Variants in NEMP2 observed in about 807,000 individuals in gnomAD.
The protein encoded by NEMP2 is UPF0571 transmembrane protein.
NEMP2 carries 53 observed loss-of-function variants against 54.2 expected under a neutral mutation model. The observed-to-expected ratio is 0.98, with a 90% CI of 0.78 to 1.23. The LOEUF (loss-of-function observed/expected upper bound fraction) is 1.23. Ranked by LOEUF, NEMP2 falls within the 50% of genes most tolerant of loss-of-function variation. The pLI is 0.00. For missense variants in NEMP2, 455 were observed against 511.3 expected (o/e 0.89, Z 1.06); for synonymous variants, 197 against 190.3 (o/e 1.04, Z -0.29).
the NEMP2 span, chr2:190,454,588 AAGGTGG>A: frequency 6.6e-6 from 1 of 152,162 alleles, no homozygotes; most frequent in South Asian, 2.1e-4. The surrounding 1 kb of genome is among the most constrained non-coding windows in gnomAD (Gnocchi z 4.6). Context: ...ACACTGTAAG[AAGGTGG>A]TCATCTACAA....
chr2:190,424,842 T>C, the NEMP2 span, among the ~76,000 whole-genome samples: 2 of 152,268 alleles, frequency 1.3e-5, no homozygotes, highest in Non-Finnish European at 2.9e-5. This position sits in a 1 kb window ranked among gnomAD's most constrained non-coding sequence, Gnocchi z 5.9. Flanking sequence ...CACAGCTATA[T>C]GATCTTTTTC....
chr2:190,595,662 T>C, the NEMP2 span, among the ~76,000 whole-genome samples: 1 of 152,112 alleles, frequency 6.6e-6, no homozygotes, highest in South Asian at 2.1e-4. This position sits in a 1 kb window ranked among gnomAD's most constrained non-coding sequence, Gnocchi z 4.0. Flanking sequence ...TCATCATCAC[T>C]GGTCATTAGA....
the NEMP2 span, among the ~76,000 whole-genome samples, chr2:190,431,623 C>T: frequency 2.6e-5 from 4 of 152,136 alleles, no homozygotes; most frequent in African/African-American, 4.8e-5. The surrounding 1 kb of genome is among the most constrained non-coding windows in gnomAD (Gnocchi z 4.4). Context: ...GGGAATCAGG[C>T]AGGGAGGTTG....
At chr2:190,546,863 TC>T in the NEMP2 span, among the ~76,000 whole-genome samples, 4 of 152,348 alleles carry the variant, frequency 2.6e-5, no homozygotes, top group African/African-American at 9.6e-5. This position sits in a 1 kb window ranked among gnomAD's most constrained non-coding sequence, Gnocchi z 5.1. Context: ...GCCAGTTGAT[TC>T]AGTAGCTTAA....
the NEMP2 span, among the ~76,000 whole-genome samples, chr2:190,421,632 A>C: frequency 6.6e-6 from 1 of 152,092 alleles, no homozygotes; most frequent in Non-Finnish European, 1.5e-5. Flanking sequence ...ACCCAGGCTG[A>C]GTGCAGTGGT....
At chr2:190,481,618 TTGG>T in the NEMP2 span, among the ~76,000 whole-genome samples, 1 of 152,208 alleles carries the variant, frequency 6.6e-6, no homozygotes, top group South Asian at 2.1e-4. Context: ...TGTAAGCTCC[TTGG>T]TGGCTGGGGA....
At chr2:190,431,024 ACGGGG>A in the NEMP2 span, among the ~76,000 whole-genome samples, 1 of 111,788 alleles carries the variant, frequency 8.9e-6, no homozygotes, top group South Asian at 2.8e-4. The surrounding 1 kb of genome is among the most constrained non-coding windows in gnomAD (Gnocchi z 4.4). Context: ...CACCTCCCAG[ACGGGG>A]TCGCGGCCGG....
chr2:190,527,968 G>A lies in NEMP2; in HGVS notation c.98-2590C>T, dbSNP rs756812047. Among the ~76,000 whole-genome samples, 37 of 152,140 alleles carry A rather than the reference G, an allele frequency of 2.4e-4. No individual in the cohort carries two copies. The highest frequency in any genetic ancestry group is 3.2e-3 in the Middle Eastern group (1 of 316). ...GTCTTCCATGAAACTGGTCCCTGTT[G>A]CTAAAAGGTTGAAGACTGCTGTTCT... On this transcript the variant is annotated intron_variant, in intron 1 of 8. Coordinates refer to ENST00000409150, the MANE Select transcript of NEMP2 (RefSeq NM_001142645.2). This position sits in a 1 kb window ranked among gnomAD's most constrained non-coding sequence, Gnocchi z 4.0.
At chr2:190,452,638 T>G in the NEMP2 span, among the ~76,000 whole-genome samples, 1 of 152,234 alleles carries the variant, frequency 6.6e-6, no homozygotes, top group Non-Finnish European at 1.5e-5. Context: ...CAACCCAGTC[T>G]CACCTCTTAG....
the NEMP2 span, among the ~76,000 whole-genome samples, chr2:190,468,816 G>C: frequency 6.6e-6 from 1 of 152,058 alleles, no homozygotes; most frequent in Admixed American, 6.6e-5. Flanking sequence ...TATCGTGTTG[G>C]TTTATTTCTT....
chr2:190,587,545 C>T, the NEMP2 span, among the ~76,000 whole-genome samples: 3 of 152,152 alleles, frequency 2.0e-5, no homozygotes, highest in South Asian at 2.1e-4. This position sits in a 1 kb window ranked among gnomAD's most constrained non-coding sequence, Gnocchi z 5.4. Flanking sequence ...AGACTCTTCA[C>T]AGTTCTTCAC....
chr2:190,613,441 T>G, the NEMP2 span, among the ~76,000 whole-genome samples: 1 of 152,218 alleles, frequency 6.6e-6, no homozygotes, highest in Non-Finnish European at 1.5e-5. Context: ...CATTCTGTTT[T>G]GGGCTGAGTT....
chr2:190,534,818 C>T (rs1046709991), upstream of NEMP2: 1 of 489,328 alleles, frequency 2.0e-6, no homozygotes, highest in Non-Finnish European at 3.2e-6. Context: ...GAGTTGGGCT[C>T]GTTGCTCCAG....
chr2:190,455,934 CTTT>C, the NEMP2 span, among the ~76,000 whole-genome samples: 2 of 65,370 alleles, frequency 3.1e-5, no homozygotes, highest in African/African-American at 1.3e-4. Context: ...ATTTACTCTG[CTTT>C]TTTTTTTTTT....
At chr2:190,446,696 A>G in the NEMP2 span, among the ~76,000 whole-genome samples, 1 of 152,238 alleles carries the variant, frequency 6.6e-6, no homozygotes, top group Non-Finnish European at 1.5e-5. Context: ...GGGAATCTAC[A>G]GTAGCTAGAC....
the NEMP2 span, chr2:190,626,630 T>G: frequency 6.6e-6 from 1 of 152,252 alleles, no homozygotes; most frequent in Non-Finnish European, 1.5e-5. This position sits in a 1 kb window ranked among gnomAD's most constrained non-coding sequence, Gnocchi z 4.5. Context: ...CAGCTGCAGG[T>G]CAGACAACCC....
the NEMP2 span, among the ~76,000 whole-genome samples, chr2:190,544,540 G>T: frequency 2.0e-5 from 3 of 152,042 alleles, no homozygotes; most frequent in African/African-American, 7.2e-5. Flanking sequence ...TATTCAGTAG[G>T]TCTGATATAT....
At chr2:190,455,763 C>CT in the NEMP2 span, among the ~76,000 whole-genome samples, 287 of 145,120 alleles carry the variant, frequency 2.0e-3, 1 homozygote, top group East Asian at 0.013. Flanking sequence ...GATGCCCTTC[C>CT]TTTTTTTTTT....
chr2:190,467,018 A>G, the NEMP2 span, among the ~76,000 whole-genome samples: 1 of 152,386 alleles, frequency 6.6e-6, no homozygotes, highest in African/African-American at 2.4e-5. This position sits in a 1 kb window ranked among gnomAD's most constrained non-coding sequence, Gnocchi z 5.5. Flanking sequence ...CCTGGATTGA[A>G]TTACAGTTGT....
Sources: allele counts gnomAD v4.1 joint callset (sites outside exome capture counted in the v4.1 genomes callset), GRCh38; gene constraint gnomAD v4.1.1; non-coding constraint Gnocchi (gnomAD v3.1); transcripts MANE v1.5; gene names NCBI Gene and HGNC (gene_info 2026-07-23, HGNC 2026-07-21).